The following VRK1 variants were observed in gnomAD, a reference collection of about 807,000 sequenced individuals.
The protein encoded by VRK1 is serine/threonine-protein kinase VRK1.
VRK1 carries 33 observed loss-of-function variants against 57.1 expected under a neutral mutation model. The ratio of observed to expected loss-of-function variants is 0.58; its 90% confidence interval spans 0.44 to 0.77. VRK1 has a LOEUF of 0.77. VRK1 is among the 30% of genes least tolerant of loss of function. VRK1 has a pLI of 0.00. For missense variants in VRK1, 413 were observed against 477.3 expected (o/e 0.87, Z 1.25); for synonymous variants, 137 against 147.8 (o/e 0.93, Z 0.53).
At chr14:96,857,763 T>C (rs1028476826) in intron 10 of VRK1, among the ~76,000 whole-genome samples, 4 of 152,190 alleles carry the variant, frequency 2.6e-5, no homozygotes, top group Non-Finnish European at 5.9e-5. Context: ...CCTGACCTTA[T>C]GCTATTTAAA....
At chr14:96,856,398 GTTTA>G (rs763450379) in intron 9 of VRK1, 126 bp from the exon 10 acceptor site, 22 of 1,362,234 alleles carry the variant, frequency 1.6e-5, no homozygotes, top group Non-Finnish European at 2.2e-5. Flanking sequence ...TTGGTCTTTT[GTTTA>G]TTTTAGAAAA....
chr14:96,803,604 G>A (rs530936667), intron 1 of VRK1, among the ~76,000 whole-genome samples: 2 of 152,228 alleles, frequency 1.3e-5, no homozygotes, highest in South Asian at 2.1e-4. Context: ...TGTAGGGTTC[G>A]ATACTCTCCA....
chr14:96,858,442 A>T (rs1888254245), intron 10 of VRK1, among the ~76,000 whole-genome samples: 1 of 152,070 alleles, frequency 6.6e-6, no homozygotes, highest in African/African-American at 2.4e-5. Flanking sequence ...TTTCTATATG[A>T]TATTCTATTG....
chr14:96,829,094 A>T (rs1469386339), intron 1 of VRK1, among the ~76,000 whole-genome samples: 1 of 152,234 alleles, frequency 6.6e-6, no homozygotes, highest in African/African-American at 2.4e-5. Context: ...AACATATAAG[A>T]TGTGCCTGGA....
At chr14:96,854,755 CAG>C (rs369577298) in intron 7 of VRK1, among the ~76,000 whole-genome samples, 87 of 152,058 alleles carry the variant, frequency 5.7e-4, no homozygotes, top group African/African-American at 1.7e-3. Flanking sequence ...AGTGAAGAAA[CAG>C]AGGAATAGAA....
chr14:96,859,413 T>C (rs1213507072), intron 10 of VRK1, among the ~76,000 whole-genome samples: 1 of 152,208 alleles, frequency 6.6e-6, no homozygotes, highest in Non-Finnish European at 1.5e-5. Flanking sequence ...TATTCTGTTA[T>C]ACTGAAGGGA....
At chr14:96,857,751 A>G (rs907557809) in intron 10 of VRK1, among the ~76,000 whole-genome samples, 3 of 152,164 alleles carry the variant, frequency 2.0e-5, no homozygotes, top group African/African-American at 2.4e-5. Context: ...AGGGAGGTCT[A>G]TCCTGACCTT....
At chr14:96,803,097 TTGG>T (rs1338592818) in intron 1 of VRK1, among the ~76,000 whole-genome samples, 1 of 152,114 alleles carries the variant, frequency 6.6e-6, no homozygotes, top group Non-Finnish European at 1.5e-5. Flanking sequence ...GTCTGGTGTC[TTGG>T]TGCTTGTGTT....
intron 1 of VRK1, among the ~76,000 whole-genome samples, chr14:96,800,461 G>A (rs553716570): frequency 1.3e-5 from 2 of 152,168 alleles, no homozygotes; most frequent in Non-Finnish European, 2.9e-5. Flanking sequence ...AGGTACGAGC[G>A]ATGGCCCTTC....
intron 1 of VRK1, among the ~76,000 whole-genome samples, chr14:96,823,355 A>G (rs1404597382): frequency 1.3e-5 from 2 of 152,226 alleles, no homozygotes; most frequent in Non-Finnish European, 2.9e-5. Context: ...GAGTGAGTGA[A>G]TGAACAGACT....
chr14:96,879,985 A>T (rs1490766538), intron 12 of VRK1, among the ~76,000 whole-genome samples: 1 of 151,908 alleles, frequency 6.6e-6, no homozygotes, highest in African/African-American at 2.4e-5. Flanking sequence ...CTAAAAATCT[A>T]CTGTGGGATA....
chr14:96,852,875 AAAT>A lies in VRK1; in HGVS notation c.421_423del (p.Ile141del). 1 of 1,613,920 alleles carries A rather than the reference AAAT, an allele frequency of 6.2e-7. No individual in the cohort carries two copies. Among genetic ancestry groups the A allele is most frequent in the Non-Finnish European group, 8.5e-7 (1 of 1,179,880 alleles). On this transcript the variant is annotated inframe_deletion, in exon 6 of 13. Transcript: ENST00000216639. The stretch of plus-strand genomic sequence containing the variant: ...GATCGCTTTGGGAGTGACCTTCAGA[AAAT>A]ATATGAAGCAAATGCCAAAAGGTTT...
At chr14:96,827,800 CTG>C (rs1308491820) in intron 1 of VRK1, among the ~76,000 whole-genome samples, 4 of 152,162 alleles carry the variant, frequency 2.6e-5, no homozygotes, top group Admixed American at 2.6e-4. Flanking sequence ...TGGACACTGA[CTG>C]TTATCACACA....
At chr14:96,849,295 C>G (rs1045024200) in intron 5 of VRK1, among the ~76,000 whole-genome samples, 1 of 152,000 alleles carries the variant, frequency 6.6e-6, no homozygotes, top group Non-Finnish European at 1.5e-5. Flanking sequence ...ACTGTGTGCT[C>G]CAGTATACAA....
chr14:96,800,588 T>A (rs1190956370), intron 1 of VRK1, among the ~76,000 whole-genome samples: 1 of 152,142 alleles, frequency 6.6e-6, no homozygotes, highest in Non-Finnish European at 1.5e-5. Context: ...AGCCACAGTA[T>A]CTTTGTCAGC....
intron 3 of VRK1, among the ~76,000 whole-genome samples, chr14:96,843,155 T>C (rs1228119928): frequency 1.3e-5 from 2 of 152,228 alleles, no homozygotes; most frequent in Non-Finnish European, 2.9e-5. Context: ...ACAGACACTG[T>C]ATTTTATTTC....
intron 3 of VRK1, among the ~76,000 whole-genome samples, chr14:96,844,663 T>G (rs1887603546): frequency 6.6e-6 from 1 of 152,184 alleles, no homozygotes; most frequent in South Asian, 2.1e-4. Flanking sequence ...TCCCTCAGCC[T>G]CCTAAGTAGC....
At chr14:96,849,763 A>G (rs1298682570) in intron 5 of VRK1, among the ~76,000 whole-genome samples, 2 of 152,146 alleles carry the variant, frequency 1.3e-5, no homozygotes, top group East Asian at 1.9e-4. Context: ...CAGTGGTGGT[A>G]TGTTGCTTGA....
intron 4 of VRK1, among the ~76,000 whole-genome samples, chr14:96,846,367 AGAAT>A (rs1887693142): frequency 6.6e-6 from 1 of 152,178 alleles, no homozygotes; most frequent in Non-Finnish European, 1.5e-5. Context: ...ATAGATACAT[AGAAT>A]GAAGTTAATA....
Sources: gnomAD v4.1 joint callset for allele counts (sites outside exome capture counted in the v4.1 genomes callset) on GRCh38, gnomAD v4.1.1 for gene constraint, MANE v1.5 for transcripts, NCBI Gene and HGNC (gene_info 2026-07-23, HGNC 2026-07-21) for gene names.